The following CYSLTR1 variants were observed in gnomAD, a reference collection of about 807,000 sequenced individuals.
The protein encoded by CYSLTR1 is G-protein coupled receptor HG55.
Under a neutral mutation model 2.1 loss-of-function variants are expected in CYSLTR1, and 1 was observed. The observed-to-expected ratio is 0.48, with a 90% CI of 0.17 to 2.28. The LOEUF (loss-of-function observed/expected upper bound fraction) is 2.28. Ranked by LOEUF, CYSLTR1 falls within the 30% of genes most tolerant of loss-of-function variation. The pLI, the probability that CYSLTR1 is intolerant of heterozygous loss-of-function variation, is 0.26. For synonymous variants in CYSLTR1, 110 were observed against 89.6 expected (o/e 1.23, Z -1.28); for missense variants, 299 against 250.1 (o/e 1.20, Z -1.32).
At chrX:78,289,080 A>G (rs1257618612) in intron 1 of CYSLTR1, among the ~76,000 whole-genome samples, 2 of 110,613 alleles carry the variant, frequency 1.8e-5, no homozygotes, top group Admixed American at 9.6e-5. Flanking sequence ...CATCATTTAC[A>G]TTAGGTATTT....
chrX:78,281,109 A>G (rs1281996758), intron 2 of CYSLTR1, among the ~76,000 whole-genome samples: 1 of 111,186 alleles, frequency 9.0e-6, no homozygotes, highest in African/African-American at 3.3e-5. Context: ...CCAGTAATGG[A>G]ATTGCTGGGT....
chrX:78,311,540 A>C (rs968712179), intron 1 of CYSLTR1, among the ~76,000 whole-genome samples: 1 of 111,920 alleles, frequency 8.9e-6, no homozygotes, highest in African/African-American at 3.3e-5. Context: ...GAAAAGAAGA[A>C]GTCAAACTAT....
chrX:78,274,244 C>T (rs1229518646), intron 2 of CYSLTR1, among the ~76,000 whole-genome samples: 1 of 111,200 alleles, frequency 9.0e-6, no homozygotes, highest in Non-Finnish European at 1.9e-5. Flanking sequence ...CCAAAAAGAG[C>T]CCACATCGCC....
intron 2 of CYSLTR1, among the ~76,000 whole-genome samples, chrX:78,279,752 A>G (rs768134508): frequency 2.1e-4 from 24 of 112,341 alleles, no homozygotes; most frequent in African/African-American, 7.7e-4. Context: ...ACACTATTTG[A>G]TACTAGGCAG....
intron 1 of CYSLTR1, among the ~76,000 whole-genome samples, chrX:78,301,763 C>T (rs1412642988): frequency 8.9e-6 from 1 of 111,913 alleles, no homozygotes. Flanking sequence ...TACAGCAGCA[C>T]CCCACTCTTC....
chrX:78,300,105 A>G (rs1410638271), intron 1 of CYSLTR1, among the ~76,000 whole-genome samples: 2 of 112,287 alleles, frequency 1.8e-5, no homozygotes, highest in African/African-American at 3.2e-5. Context: ...CAACATGTCT[A>G]TTTCATTTTT....
intron 1 of CYSLTR1, among the ~76,000 whole-genome samples, chrX:78,318,301 C>T (rs989222363): frequency 1.8e-5 from 2 of 111,960 alleles, no homozygotes; most frequent in African/African-American, 6.5e-5. Flanking sequence ...AATCAAACAC[C>T]GCATATTCTC....
chrX:78,304,610 T>C (rs1027573501), intron 1 of CYSLTR1, among the ~76,000 whole-genome samples: 1 of 110,708 alleles, frequency 9.0e-6, no homozygotes, highest in Non-Finnish European at 1.9e-5. Flanking sequence ...ACAAACTTTA[T>C]TGGGGGTCTG....
chrX:78,277,260 G>T (rs938599311), intron 2 of CYSLTR1, among the ~76,000 whole-genome samples: 1 of 111,165 alleles, frequency 9.0e-6, no homozygotes, highest in Non-Finnish European at 1.9e-5. Context: ...CCCCTTGTTT[G>T]CTGGACTCTC....
At chrX:78,275,225 C>G (rs1419941195) in intron 2 of CYSLTR1, among the ~76,000 whole-genome samples, 1 of 111,918 alleles carries the variant, frequency 8.9e-6, no homozygotes, top group Non-Finnish European at 1.9e-5. Flanking sequence ...CATCCCATTA[C>G]TGGGTATATA....
chrX:78,273,252 T>A lies in CYSLTR1; in HGVS notation c.495A>T (p.Lys165Asn), dbSNP rs1470525882. The change falls in exon 3 of 3, where the codon AAA becomes AAT. Residue 165 changes from lysine to asparagine, a missense_variant. Lys to Asn is a moderately conservative substitution (Grantham distance 94, BLOSUM62 0). Transcript: ENST00000373304. ...SSPFLMAKPQ[K>N]DEKNNTKCFE... ...AGCACTTGGTATTATTTTTCTCATC[T>A]TTTTGTGGTTTGGCCATTAGAAATG... The A allele has an allele frequency of 3.0e-5, 36 of 1,208,500 alleles. No homozygotes were observed. Among genetic ancestry groups the A allele is most frequent in the Non-Finnish European group, 3.7e-5 (33 of 894,621 alleles).
rs749200160 is a variant in CYSLTR1 at position 78,281,820 on chromosome X, A to T, written c.-28+1634T>A. 2.7e-5 allele frequency among the ~76,000 whole-genome samples: 3 copies of T among 111,591 alleles called. No individual in the cohort carries two copies. The South Asian group carries it at 1.1e-3, about 41-fold the overall frequency. On this transcript the variant is annotated intron_variant, in intron 2 of 2. Coordinates refer to ENST00000373304, the MANE Select transcript of CYSLTR1 (RefSeq NM_006639.4). ...CCAGCAGGCCTTCCTACCACTATCA[A>T]CTCTCAATCTATCTTGCTACAAACC... is the stretch of plus-strand genomic sequence containing the variant.
chrX:78,285,042 T>C (rs1343967449), intron 1 of CYSLTR1, among the ~76,000 whole-genome samples: 1 of 110,150 alleles, frequency 9.1e-6, no homozygotes. Flanking sequence ...TTATATTTTG[T>C]CAATCAGGCA....
intron 1 of CYSLTR1, among the ~76,000 whole-genome samples, chrX:78,295,373 T>C (rs940642875): frequency 1.2e-4 from 2 of 16,200 alleles, no homozygotes; most frequent in Non-Finnish European, 2.1e-4. Flanking sequence ...TGATTTCCTT[T>C]TTTTTTTTTT....
At chrX:78,303,117 C>G (rs1219904025) in intron 1 of CYSLTR1, among the ~76,000 whole-genome samples, 1 of 111,801 alleles carries the variant, frequency 8.9e-6, no homozygotes, top group Non-Finnish European at 1.9e-5. Flanking sequence ...GTCTGTAATT[C>G]CCCTCTGCCT....
At chrX:78,307,710 A>G (rs1923080571) in intron 1 of CYSLTR1, among the ~76,000 whole-genome samples, 1 of 111,763 alleles carries the variant, frequency 8.9e-6, no homozygotes, top group African/African-American at 3.3e-5. Flanking sequence ...GTGAATGTCT[A>G]GGAGGGATTT....
intron 1 of CYSLTR1, among the ~76,000 whole-genome samples, chrX:78,300,183 T>G (rs1212659671): frequency 8.9e-6 from 1 of 112,600 alleles, no homozygotes; most frequent in African/African-American, 3.2e-5. Flanking sequence ...CTGATAGAAT[T>G]CTGAATTTCT....
rs771402788 is a variant in CYSLTR1, at chrX:78,273,527, A to T, written c.220T>A (p.Cys74Ser). 3 of 1,210,126 alleles carry T rather than the reference A, an allele frequency of 2.5e-6. No individual in the cohort carries two copies. In the East Asian group the frequency reaches 8.9e-5, roughly 36 times the overall value. ...NLAVADLLCV[C>S]TLPLRVVYYV... is the part of the protein sequence containing the mutation. ...TAGACCACACGGAGAGGCAGTGTGC[A>T]CACACAAAGTAGATCTGCTACTGCT... is the stretch of plus-strand genomic sequence containing the variant. The change falls in exon 3 of 3, where the codon TGC (cysteine) becomes AGC (serine). Residue 74 changes from cysteine to serine, a missense_variant. Transcript: ENST00000373304.
intron 1 of CYSLTR1, among the ~76,000 whole-genome samples, chrX:78,298,609 C>T (rs1922678607): frequency 9.0e-6 from 1 of 111,148 alleles, no homozygotes; most frequent in Non-Finnish European, 1.9e-5. Flanking sequence ...CTGAATTGAC[C>T]CATTTAAGAT....
Sources: gnomAD v4.1 joint callset for allele counts (sites outside exome capture counted in the v4.1 genomes callset) on GRCh38, gnomAD v4.1.1 for gene constraint, MANE v1.5 for transcripts, NCBI Gene and HGNC (gene_info 2026-07-23, HGNC 2026-07-21) for gene names.